Variants in TEKT4 observed in about 807,000 individuals in gnomAD.
TEKT4 encodes tektin 4.
TEKT4 carries 46 observed loss-of-function variants against 46.0 expected under a neutral mutation model. That is an observed-to-expected ratio of 1.00 (90% CI 0.79 to 1.28). The LOEUF is 1.28. Ranked by LOEUF, TEKT4 falls within the 50% of genes most tolerant of loss-of-function variation. The pLI, the probability that TEKT4 is intolerant of heterozygous loss-of-function variation, is 0.00. For missense variants in TEKT4, 790 were observed against 622.9 expected (o/e 1.27, Z -2.85); for synonymous variants, 325 against 265.8 (o/e 1.22, Z -2.17).
chr2:94,872,663 G>A (rs1259774998), intron 1 of TEKT4: 5 of 433,062 alleles, frequency 1.2e-5, no homozygotes, highest in African/African-American at 4.2e-5. Context: ...CAGAGCCTGG[G>A]GCCTCCCTGA....
In TEKT4 at chr2:94,873,066, G is replaced by A. The variant is rs1193934776; in HGVS notation, c.499-454G>A. 15 of 1,274,060 alleles carry A rather than the reference G, an allele frequency of 1.2e-5. No homozygotes were observed. In the Admixed American group the frequency reaches 1.7e-4, roughly 14 times the overall value. 78.9% of individuals were successfully genotyped at this position (1,274,060 alleles called of 1,614,324 possible). A position where few individuals can be genotyped will look rare whatever the true frequency, so the allele number is the denominator to read the frequency against. ...GCAAATTAAACTGGCCAGGCAATAA[G>A]AAGAAACACAGGGTCCTTCTCCTGT... is the stretch of plus-strand genomic sequence containing the variant. On this transcript the variant is annotated intron_variant, in intron 1 of 5. Transcript: ENST00000295201.
chr2:94,872,093 G>A lies in TEKT4; in HGVS notation c.498+16G>A, dbSNP rs371723577. The A allele has an allele frequency of 3.3e-6, 5 of 1,525,420 alleles. No homozygotes were observed. The highest frequency in any genetic ancestry group is 4.4e-6 in the Non-Finnish European group (5 of 1,136,626). The allele number at this position is 1,525,420 out of a possible 1,614,324, so 94.5% of individuals were successfully genotyped here. A position where few individuals can be genotyped will look rare whatever the true frequency, so the allele number is the denominator to read the frequency against. ...GCTGCTGAAGGTGCCAGCACCCTTGGGTGGCCGGGATTTGTGGGCGCAGAG... is the reference window on the plus strand; with the variant it reads ...GCTGCTGAAGGTGCCAGCACCCTTGAGTGGCCGGGATTTGTGGGCGCAGAG... On this transcript the variant is annotated intron_variant, in intron 1 of 5. Coordinates refer to ENST00000295201, the MANE Select transcript of TEKT4 (RefSeq NM_144705.4).
At chr2:94,876,426 G>A (rs1680856743) in intron 5 of TEKT4, 127 bp from the exon 6 acceptor site, 1 of 745,030 alleles carries the variant, frequency 1.3e-6, no homozygotes, top group African/African-American at 1.7e-5. Context: ...TCCTGATGGG[G>A]TTCTTTCATG....
At chr2:94,874,647 TG>T in intron 3 of TEKT4, 128 bp from the exon 4 acceptor site, 1 of 833,174 alleles carries the variant, frequency 1.2e-6, no homozygotes, top group Non-Finnish European at 1.8e-6. Flanking sequence ...TGGGGCAGCA[TG>T]GGGTGCATCG....
intron 4 of TEKT4, 109 bp from the exon 5 acceptor site, chr2:94,875,479 A>T: frequency 1.3e-6 from 2 of 1,538,450 alleles, no homozygotes; most frequent in Non-Finnish European, 8.8e-7. Context: ...ACTGGTCAGG[A>T]CTGCCCTCTG....
chr2:94,871,625 G>A lies in TEKT4; in HGVS notation c.46G>A (p.Asp16Asn), dbSNP rs1266527562. The change falls in exon 1 of 6, where the codon GAC becomes AAC. Residue 16 changes from aspartate to asparagine, a missense_variant. Physicochemically the swap from Asp to Asn is conservative, Grantham distance 23. Coordinates refer to ENST00000295201, the MANE Select transcript of TEKT4 (RefSeq NM_144705.4). ...CTGCGAGCTGCCCTGCAAAGAGTAC[G>A]ACGTGGCCCGTAACACGGGCGCCTA... ...PPCELPCKEY[D>N]VARNTGAYTS... The A allele has an allele frequency of 3.7e-6, 6 of 1,612,232 alleles. No individual in the cohort carries two copies. Among genetic ancestry groups the A allele is most frequent in the South Asian group, 2.2e-5 (2 of 91,022 alleles).
chr2:94,871,711 G>C lies in TEKT4; in HGVS notation c.132G>C (p.Trp44Cys). 1 of 1,612,616 alleles carries C rather than the reference G, an allele frequency of 6.2e-7. No individual in the cohort carries two copies. Among genetic ancestry groups the C allele is most frequent in the Non-Finnish European group, 8.5e-7 (1 of 1,179,922 alleles). The change falls in exon 1 of 6, where the codon TGG (tryptophan) becomes TGC (cysteine). Residue 44 changes from tryptophan to cysteine, a missense_variant. Trp to Cys is a radical substitution (Grantham distance 215). Transcript: ENST00000295201. The part of the protein sequence containing the change: ...FRTSKYLLEE[W>C]FQNCYARYHQ... The stretch of plus-strand genomic sequence containing the variant: ...CCTCCAAGTACCTGCTGGAGGAGTG[G>C]TTCCAGAACTGCTATGCTCGCTACC...
At position 94,874,908 on chromosome 2, in the gene TEKT4, G is replaced by C; in HGVS notation, c.846G>C (p.Arg282=). The change falls in exon 4 of 6, where the codon CGG becomes CGC. Residue 282 remains arginine, a synonymous_variant. Coordinates refer to ENST00000295201, the MANE Select transcript of TEKT4 (RefSeq NM_144705.4). The part of the protein sequence containing the change: ...CILRDTSEDL[R]LQCDAVNLAF... ...TTCGCGACACCTCCGAGGACCTGCG[G>C]CTCCAGTGCGACGCCGTGAACCTGG... 1.2e-6 allele frequency: 2 copies of C among 1,612,116 alleles called. No homozygotes were observed. Among genetic ancestry groups the C allele is most frequent in the Non-Finnish European group, 1.7e-6 (2 of 1,179,566 alleles).
At chr2:94,873,654 C>A (rs1553395409) in intron 2 of TEKT4, 64 bp downstream of exon 2, 1 of 1,591,026 alleles carries the variant, frequency 6.3e-7, no homozygotes, top group Non-Finnish European at 8.6e-7. Flanking sequence ...TGGGGCAAGG[C>A]ATTGAACGAC....
In TEKT4 at chr2:94,875,625, C is replaced by A. The variant is rs112344899; in HGVS notation, c.974C>A (p.Ala325Glu). 3 of 1,614,038 alleles carry A rather than the reference C, an allele frequency of 1.9e-6. No homozygotes were observed. Among genetic ancestry groups the A allele is most frequent in the Non-Finnish European group, 1.7e-6 (2 of 1,180,012 alleles). The change falls in exon 5 of 6, where the codon GCG becomes GAG. Residue 325 changes from alanine to glutamate, a missense_variant. Transcript: ENST00000295201. ...REITDQEHNVAALKQAIKDKE... is the reference protein window; with the variant it reads ...REITDQEHNVEALKQAIKDKE... The stretch of plus-strand genomic sequence containing the variant: ...ATCACAGATCAGGAACACAACGTGG[C>A]GGCACTGAAGCAGGCCATCAAGGAC...
rs782073905 is a variant in TEKT4 at position 94,874,857 on chromosome 2, C to G, written c.795C>G (p.Asn265Lys). Residue 265 changes from asparagine (N) to lysine (K), a missense_variant, in exon 4 of 6, where the codon AAC becomes AAG. Physicochemically the swap from Asn to Lys is moderately conservative, Grantham distance 94. Transcript: ENST00000295201. ...AGCGCGAGCGCCTGGCCTCGGCCAACCTGCGGGTGCTGGTGGACTGCATCC... is the reference window on the plus strand; with the variant it reads ...AGCGCGAGCGCCTGGCCTCGGCCAAGCTGCGGGTGCTGGTGGACTGCATCC... ...RAQRERLASA[N>K]LRVLVDCILR... 6.2e-7 allele frequency: 1 copy of G among 1,608,656 alleles called. No individual in the cohort carries two copies. Among genetic ancestry groups the G allele is most frequent in the Non-Finnish European group, 8.5e-7 (1 of 1,178,252 alleles).
chr2:94,872,457 G>A (rs1680620855), intron 1 of TEKT4: 3 of 350,140 alleles, frequency 8.6e-6, no homozygotes, highest in Non-Finnish European at 1.6e-5. Flanking sequence ...GTAAGGTGGG[G>A]TGGGCTGGGA....
Position 94,871,565 on chromosome 2 carries a change from T to G in TEKT4, c.-15T>G. 1 of 1,584,376 alleles carries G rather than the reference T, an allele frequency of 6.3e-7. No individual in the cohort carries two copies. The highest frequency in any genetic ancestry group is 8.6e-7 in the Non-Finnish European group (1 of 1,165,810). On this transcript the variant is annotated 5_prime_UTR_variant, in exon 1 of 6. Transcript: ENST00000295201. Reference sequence around the variant, plus strand: ...ACAGTCCTCACTCCCCTGGCCCTGGTGGGCGGCAGGCACCATGGCGCAGAC... The same window carrying G: ...ACAGTCCTCACTCCCCTGGCCCTGGGGGGCGGCAGGCACCATGGCGCAGAC...
intron 2 of TEKT4, 44 bp from the exon 3 acceptor site, chr2:94,873,921 C>T: frequency 1.2e-6 from 2 of 1,609,690 alleles, no homozygotes; most frequent in Middle Eastern, 1.7e-4. Flanking sequence ...CCCAGCAGGG[C>T]CCTCCCTGGG....
In TEKT4 at chr2:94,875,713, G is replaced by A. The variant is rs1264011342; in HGVS notation, c.1062G>A (p.Met354Ile). 1.2e-6 allele frequency: 2 copies of A among 1,614,092 alleles called. No homozygotes were observed. The highest frequency in any genetic ancestry group is 1.3e-5 in the African/African-American group (1 of 75,046). The change falls in exon 5 of 6, where the codon ATG (methionine) becomes ATA (isoleucine). Residue 354 changes from methionine (M) to isoleucine (I), a missense_variant. Transcript: ENST00000295201. Reference sequence around the variant, plus strand: ...ACCTGCGCTCGCACCGGCCCAACATGGAGCTGTGCCGTGACGCAGCCCAGT... The same window carrying A: ...ACCTGCGCTCGCACCGGCCCAACATAGAGCTGTGCCGTGACGCAGCCCAGT... ...RLYLRSHRPN[M>I]ELCRDAAQFR...
At chr2:94,874,195 G>C in intron 3 of TEKT4, 87 bp downstream of exon 3, 1 of 1,493,626 alleles carries the variant, frequency 6.7e-7, no homozygotes, top group Non-Finnish European at 9.1e-7. Context: ...GCTTTCACCA[G>C]CCTGGCCCGG....
chr2:94,873,711 G>A (rs1169289587), intron 2 of TEKT4, 121 bp downstream of exon 2: 123 of 1,402,254 alleles, frequency 8.8e-5, no homozygotes, highest in Non-Finnish European at 1.2e-4. Flanking sequence ...AGGTCACAGT[G>A]GAGCGCAGGA....
At position 94,871,500 on chromosome 2, in the gene TEKT4, C is replaced by CGCTGACCGCACTAG. The variant is rs1177529949; in HGVS notation, c.-69_-56dup. On this transcript the variant is annotated 5_prime_UTR_variant, in exon 1 of 6. Transcript: ENST00000295201. The stretch of plus-strand genomic sequence containing the variant: ...TGGGACTGAGCCGTTGGAGCTGCCC[C>CGCTGACCGCACTAG]GCTGACCGCACTAGGCTGACCGCAA... The CGCTGACCGCACTAG allele has an allele frequency of 6.9e-7, 1 of 1,452,794 alleles. No individual in the cohort carries two copies. The highest frequency in any genetic ancestry group is 9.1e-7 in the Non-Finnish European group (1 of 1,103,198). 90.0% of individuals were successfully genotyped at this position (1,452,794 alleles called of 1,614,324 possible).
rs1553395323 is a variant in TEKT4, at chr2:94,873,512, T to C, written c.499-8T>C. On this transcript the variant is annotated splice_region_variant and splice_polypyrimidine_tract_variant and intron_variant, in intron 1 of 5. Transcript: ENST00000295201. ...TGGCTCTGGTGCTCAGGGCGTCTCCTCCCTCAGGAAGCCGAGCTCATCCGG... is the reference window on the plus strand; with the variant it reads ...TGGCTCTGGTGCTCAGGGCGTCTCCCCCCTCAGGAAGCCGAGCTCATCCGG... The C allele has an allele frequency of 1.9e-6, 3 of 1,612,068 alleles. No homozygotes were observed. In the South Asian group the frequency reaches 3.3e-5, roughly 18 times the overall value.
Sources: gnomAD v4.1 joint callset for allele counts on GRCh38, gnomAD v4.1.1 for gene constraint, MANE v1.5 for transcripts, NCBI Gene and HGNC (gene_info 2026-07-23, HGNC 2026-07-21) for gene names.